The following HCFC1 variants were observed in gnomAD, a reference collection of about 807,000 sequenced individuals.
HCFC1 encodes the protein host cell factor 1.
A neutral mutation model predicts 105.5 loss-of-function variants in HCFC1; 7 were observed. That is an observed-to-expected ratio of 0.07 (90% CI 0.04 to 0.12). HCFC1 has a LOEUF of 0.12. Ranked by LOEUF, HCFC1 falls within the 10% of genes least tolerant of loss-of-function variation. HCFC1 has a pLI of 1.00. For missense variants in HCFC1, 1,065 were observed against 1,823.6 expected (o/e 0.58, Z 7.58); for synonymous variants, 918 against 828.1 (o/e 1.11, Z -1.86).
intron 1 of HCFC1, 152 bp downstream of exon 1, chrX:153,970,496 G>A (rs2065518992): frequency 2.4e-6 from 1 of 410,624 alleles, no homozygotes; most frequent in Non-Finnish European, 4.2e-6. Context: ...TAAGGGAGGA[G>A]GGGAGAGAGA....
chrX:153,950,647 C>T (rs1603294231), intron 23 of HCFC1, 104 bp from the exon 24 acceptor site: 6 of 888,724 alleles, frequency 6.8e-6, no homozygotes, highest in African/African-American at 4.0e-5. Flanking sequence ...AGAGATATTC[C>T]ATGTGGTAGT....
intron 1 of HCFC1, among the ~76,000 whole-genome samples, chrX:153,968,328 T>C (rs1405711023): frequency 8.9e-6 from 1 of 112,075 alleles, no homozygotes; most frequent in Admixed American, 9.4e-5. Flanking sequence ...TCTCCAAAGG[T>C]ACAAGGCTTT....
Position 153,960,299 on chromosome X carries a change from A to G in HCFC1, c.1020T>C (p.Arg340=), listed in dbSNP as rs2065417399. Residue 340 remains arginine, a synonymous_variant, in exon 7 of 26, where the codon CGT becomes CGC. Transcript: ENST00000310441. ...INTRLYIWSG[R]DGYRKAWNNQ... ...TGTTCCAGGCCTTGCGGTAGCCGTCACGCCCACTCCAAATGTACAGGCGGG... is the reference window on the plus strand; with the variant it reads ...TGTTCCAGGCCTTGCGGTAGCCGTCGCGCCCACTCCAAATGTACAGGCGGG... 8.3e-7 allele frequency: 1 copy of G among 1,203,941 alleles called. No homozygotes were observed. Among genetic ancestry groups the G allele is most frequent in the South Asian group, 1.8e-5 (1 of 55,665 alleles).
In HCFC1 at chrX:153,948,638, C is replaced by A. The variant is rs2065278793; in HGVS notation, c.*709G>T. 1 of 113,410 alleles carries A rather than the reference C, an allele frequency of 8.8e-6. No homozygotes were observed. The highest frequency in any genetic ancestry group is 9.2e-5 in the Admixed American group (1 of 10,815). The allele number at this position is 113,410 out of a possible 1,213,427, so 9.3% of individuals were successfully genotyped here. ...ACTTCACCAATTGCAACCTAAAAAACACAACAAATGCAGCAGTTGGCAGTG... is the reference window on the plus strand; with the variant it reads ...ACTTCACCAATTGCAACCTAAAAAAAACAACAAATGCAGCAGTTGGCAGTG... On this transcript the variant is annotated 3_prime_UTR_variant, in exon 26 of 26. Transcript: ENST00000310441.
intron 3 of HCFC1, among the ~76,000 whole-genome samples, chrX:153,963,901 G>A (rs1263475244): frequency 8.9e-6 from 1 of 111,753 alleles, no homozygotes; most frequent in Admixed American, 9.4e-5. Flanking sequence ...TCCACCTCCA[G>A]CTTGGCCCTC....
Position 153,948,249 on chromosome X carries a change from G to C in HCFC1, c.*1098C>G, listed in dbSNP as rs1427063967. ...CCCAGCCCTCCCTCAAGCTCCCCTAGGCTCGACCCTATAGATGCGGAGTGA... is the reference window on the plus strand; with the variant it reads ...CCCAGCCCTCCCTCAAGCTCCCCTACGCTCGACCCTATAGATGCGGAGTGA... On this transcript the variant is annotated 3_prime_UTR_variant, in exon 26 of 26. Transcript: ENST00000310441. The C allele has an allele frequency of 8.9e-6, 1 of 112,076 alleles. No homozygotes were observed. The highest frequency in any genetic ancestry group is 1.9e-5 in the Non-Finnish European group (1 of 53,124). The allele number at this position is 112,076 out of a possible 1,213,427, so 9.2% of individuals were successfully genotyped here.
rs782066012 is a variant in HCFC1 at position 153,955,062 on chromosome X, C to G, written c.3337G>C (p.Glu1113Gln). 8.3e-6 allele frequency: 10 copies of G among 1,211,232 alleles called. No individual in the cohort carries two copies. The highest frequency in any genetic ancestry group is 1.1e-5 in the Non-Finnish European group (10 of 895,170). Residue 1113 changes from glutamate to glutamine, a missense_variant, in exon 17 of 26, where the codon GAG becomes CAG. Around this residue, in one of 17 missense-constraint regions of HCFC1, gnomAD observed 546 missense variants for 599.9 expected, o/e 0.91. Coordinates refer to ENST00000310441, the MANE Select transcript of HCFC1 (RefSeq NM_005334.3). ...GTGGCAGTGTTGGTGGTGCCCGTCTCGTGGGTCTCGCAGGGTGGGTTTGAG... is the reference window on the plus strand; with the variant it reads ...GTGGCAGTGTTGGTGGTGCCCGTCTGGTGGGTCTCGCAGGGTGGGTTTGAG... ...GCSNPPCETH[E>Q]TGTTNTATTA...
rs1479241504 is a variant in HCFC1, at chrX:153,956,746, G to A, written c.2514C>T (p.Ala838=). Residue 838 remains alanine (A), a synonymous_variant, in exon 15 of 26, where the codon GCC becomes GCT. Coordinates refer to ENST00000310441, the MANE Select transcript of HCFC1 (RefSeq NM_005334.3). ...QGVTQVVLKG[A]PGQPGTILRT... ...GGAGGATGGTGCCTGGCTGTCCCGG[G>A]GCCCCCTTAAGCACCACCTGGAACA... 1 of 1,210,959 alleles carries A rather than the reference G, an allele frequency of 8.3e-7. No homozygotes were observed. The highest frequency in any genetic ancestry group is 1.8e-5 in the South Asian group (1 of 56,979).
chrX:153,957,121 T>C (rs962283725), intron 13 of HCFC1, 61 bp from the exon 14 acceptor site: 4 of 1,128,512 alleles, frequency 3.5e-6, no homozygotes, highest in Non-Finnish European at 4.8e-6. Context: ...CTGCTGCCCC[T>C]AGACTATAAT....
chrX:153,955,556 C>T lies in HCFC1; in HGVS notation c.2857-14G>A, dbSNP rs782316961. 4 of 1,162,611 alleles carry T rather than the reference C, an allele frequency of 3.4e-6. No individual in the cohort carries two copies. Among genetic ancestry groups the T allele is most frequent in the East Asian group, 3.0e-5 (1 of 33,467 alleles). ...CTGGGACACGGGCTGGGGAGACACACGAGGAGGAGAGTTAGTGCTGCAGCT... is the reference window on the plus strand; with the variant it reads ...CTGGGACACGGGCTGGGGAGACACATGAGGAGGAGAGTTAGTGCTGCAGCT... On this transcript the variant is annotated splice_polypyrimidine_tract_variant and intron_variant, in intron 16 of 25. Transcript: ENST00000310441.
rs1557116930 is a variant in HCFC1 at position 153,961,551 on chromosome X, G to A, written c.895C>T (p.Leu299Phe). The A allele has an allele frequency of 8.3e-7, 1 of 1,203,805 alleles. No individual in the cohort carries two copies. The highest frequency in any genetic ancestry group is 1.1e-6 in the Non-Finnish European group (1 of 889,040). The stretch of plus-strand genomic sequence containing the variant: ...CCCGAGGAGGCCATACCCAGGTTGA[G>A]ACAAGCCAGCGTGTTGGTACACTTC... ...EWKCTNTLACLNLDTMAWETI... is the reference protein window; with the variant it reads ...EWKCTNTLACFNLDTMAWETI... Residue 299 changes from leucine (L) to phenylalanine (F), a missense_variant, in exon 6 of 26, where the codon CTC becomes TTC. Leu to Phe is a conservative substitution (Grantham distance 22). Around this residue, in one of 17 missense-constraint regions of HCFC1, gnomAD observed 18 missense variants for 40.1 expected, o/e 0.45. Transcript: ENST00000310441.
chrX:153,964,454 T>C, intron 2 of HCFC1, 124 bp downstream of exon 2: 1 of 926,524 alleles, frequency 1.1e-6, no homozygotes, highest in Non-Finnish European at 1.5e-6. Context: ...GTGGGCCAAG[T>C]TCAGAGCAGC....
intron 9 of HCFC1, among the ~76,000 whole-genome samples, 170 bp from the exon 10 acceptor site, chrX:153,958,936 A>G (rs2065403398): frequency 8.9e-6 from 1 of 112,667 alleles, no homozygotes; most frequent in African/African-American, 3.2e-5. Flanking sequence ...CCCCAGACAC[A>G]GAGGGCTCCC....
At position 153,955,130 on chromosome X, in the gene HCFC1, G is replaced by A. The variant is rs781965089; in HGVS notation, c.3269C>T (p.Thr1090Ile). The A allele has an allele frequency of 8.3e-7, 1 of 1,211,755 alleles. No homozygotes were observed. Among genetic ancestry groups the A allele is most frequent in the South Asian group, 1.8e-5 (1 of 56,987 alleles). ...CATGTTGGAGGTGGCGGTGGTGGCG[G>A]TGTTGGTGGTGCCCGTCTCGTGGGT... ...CETHETGTTN[T>I]ATTATSNMAG... Residue 1090 changes from threonine (T) to isoleucine (I), a missense_variant, in exon 17 of 26, where the codon ACC becomes ATC. Thr to Ile is a moderately conservative substitution (Grantham distance 89). This residue lies in a region of HCFC1 where 546 missense variants were observed against 599.9 expected (regional missense o/e 0.91). Coordinates refer to ENST00000310441, the MANE Select transcript of HCFC1 (RefSeq NM_005334.3).
chrX:153,951,405 G>A lies in HCFC1; in HGVS notation c.5462C>T (p.Thr1821Ile). Reference sequence around the variant, plus strand: ...GAAATAGTGTGTCACCATTACATTGGTGCCCTTAATGACTCCCACATCAAA... The same window carrying A: ...GAAATAGTGTGTCACCATTACATTGATGCCCTTAATGACTCCCACATCAAA... ...QWFDVGVIKGTNVMVTHYFLP... is the reference protein window; with the variant it reads ...QWFDVGVIKGINVMVTHYFLP... Residue 1821 changes from threonine (T) to isoleucine (I), a missense_variant, in exon 22 of 26, where the codon ACC becomes ATC. Coordinates refer to ENST00000310441, the MANE Select transcript of HCFC1 (RefSeq NM_005334.3). The A allele has an allele frequency of 1.7e-6, 2 of 1,210,637 alleles. No homozygotes were observed. Among genetic ancestry groups the A allele is most frequent in the Non-Finnish European group, 2.2e-6 (2 of 894,534 alleles).
chrX:153,959,138 G>A lies in HCFC1; in HGVS notation c.1605+193C>T, dbSNP rs4509509. On this transcript the variant is annotated intron_variant, in intron 9 of 25. Transcript: ENST00000310441. ...CTCTTAGGATCAGGCAGCAGGTTAG[G>A]CCTTCTAGGCATTAACCTATTAATT... Among the ~76,000 whole-genome samples, 3,416 of 113,034 alleles carry A rather than the reference G, an allele frequency of 0.03. 125 individuals carry two copies. The highest frequency in any genetic ancestry group is 0.1 in the African/African-American group (3,215 of 31,109).
In HCFC1 at chrX:153,954,210, G is replaced by C. The variant is rs1363030084; in HGVS notation, c.4189C>G (p.Pro1397Ala). 2.5e-6 allele frequency: 3 copies of C among 1,207,732 alleles called. No individual in the cohort carries two copies. Among genetic ancestry groups the C allele is most frequent in the Non-Finnish European group, 2.2e-6 (2 of 894,539 alleles). Residue 1397 changes from proline to alanine, a missense_variant, in exon 17 of 26, where the codon CCC becomes GCC. Physicochemically the swap from Pro to Ala is conservative, Grantham distance 27. Around this residue, in one of 17 missense-constraint regions of HCFC1, gnomAD observed 546 missense variants for 599.9 expected, o/e 0.91. Coordinates refer to ENST00000310441, the MANE Select transcript of HCFC1 (RefSeq NM_005334.3). Reference sequence around the variant, plus strand: ...GTGCCAGCCTGGGGGGTGACGCTGGGTGCCGCCGCCACCTCTAGGCCAGAC... The same window carrying C: ...GTGCCAGCCTGGGGGGTGACGCTGGCTGCCGCCGCCACCTCTAGGCCAGAC... ...VESGLEVAAA[P>A]SVTPQAGTAL...
intron 1 of HCFC1, among the ~76,000 whole-genome samples, chrX:153,970,393 G>A (rs1557119685): frequency 2.2e-5 from 2 of 89,534 alleles, no homozygotes; most frequent in South Asian, 8.0e-4. Flanking sequence ...CTGAAGCCCG[G>A]CACAGCAAAG....
rs782789521 is a variant in HCFC1 at position 153,949,632 on chromosome X, G to A, written c.6005-16C>T. 7 of 1,187,236 alleles carry A rather than the reference G, an allele frequency of 5.9e-6. No homozygotes were observed. The highest frequency in any genetic ancestry group is 8.0e-6 in the Non-Finnish European group (7 of 872,968). On this transcript the variant is annotated splice_polypyrimidine_tract_variant and intron_variant, in intron 24 of 25. Transcript: ENST00000310441. Reference sequence around the variant, plus strand: ...TTACTGGTTTCTGGAAGGAACGGGAGAGATGCGTGAGCAGCATTGTGACAG... The same window carrying A: ...TTACTGGTTTCTGGAAGGAACGGGAAAGATGCGTGAGCAGCATTGTGACAG...
Sources: gnomAD v4.1 joint callset for allele counts (sites outside exome capture counted in the v4.1 genomes callset) on GRCh38, gnomAD v4.1.1 for gene constraint, gnomAD v4.1.1 regional missense constraint, MANE v1.5 for transcripts, NCBI Gene and HGNC (gene_info 2026-07-23, HGNC 2026-07-21) for gene names.